Variants in SHANK2 observed in about 807,000 individuals in gnomAD.
The protein encoded by SHANK2 is SH3 and multiple ankyrin repeat domains protein 2.
SHANK2 carries 43 observed loss-of-function variants against 133.7 expected under a neutral mutation model. The ratio of observed to expected loss-of-function variants is 0.32; its 90% CI spans 0.25 to 0.41. SHANK2 has a LOEUF of 0.41. SHANK2 is among the 10% of genes least tolerant of loss of function. The probability of loss-of-function intolerance (pLI) is 1.00; values close to 1 mark genes in which losing one functional copy is unlikely to be tolerated. For synonymous variants in SHANK2, 1,017 were observed against 952.8 expected (o/e 1.07, Z -1.24); for missense variants, 1,994 against 2,235.8 (o/e 0.89, Z 2.18).
At chr11:70,559,060 C>T (rs1343803781) in intron 17 of SHANK2, among the ~76,000 whole-genome samples, 4 of 152,178 alleles carry the variant, frequency 2.6e-5, no homozygotes, top group Admixed American at 1.3e-4. Context: ...TTTCTGTCAT[C>T]CAGGCTGGAG....
At chr11:71,242,661 G>A (rs1340153420) in intron 1 of SHANK2, among the ~76,000 whole-genome samples, 1 of 152,160 alleles carries the variant, frequency 6.6e-6, no homozygotes, top group Non-Finnish European at 1.5e-5. Flanking sequence ...CCCCTGGCGA[G>A]GATGTCGACC....
chr11:70,738,289 C>T (rs564223897), intron 14 of SHANK2, among the ~76,000 whole-genome samples: 1 of 152,258 alleles, frequency 6.6e-6, no homozygotes, highest in African/African-American at 2.4e-5. Context: ...GGCAGAAAGC[C>T]GGACTCCCAT....
At chr11:70,954,881 T>C (rs900734243) in intron 10 of SHANK2, among the ~76,000 whole-genome samples, 12 of 152,244 alleles carry the variant, frequency 7.9e-5, no homozygotes, top group African/African-American at 2.7e-4. Flanking sequence ...GCCCTGTTCA[T>C]TGTCCCTTTA....
chr11:71,179,580 TCTC>T (rs753891205), intron 2 of SHANK2, among the ~76,000 whole-genome samples: 7 of 151,980 alleles, frequency 4.6e-5, no homozygotes, highest in Non-Finnish European at 8.8e-5. Context: ...CTTTCACACT[TCTC>T]CTCAGCAAGA....
intron 14 of SHANK2, among the ~76,000 whole-genome samples, chr11:70,709,069 G>A (rs1397446617): frequency 6.6e-6 from 1 of 152,200 alleles, no homozygotes; most frequent in Non-Finnish European, 1.5e-5. Flanking sequence ...AAATTAGCTG[G>A]GCATGGTGGC....
intron 9 of SHANK2, among the ~76,000 whole-genome samples, chr11:71,058,193 C>G (rs1271277352): frequency 6.6e-6 from 1 of 152,178 alleles, no homozygotes; most frequent in Non-Finnish European, 1.5e-5. Context: ...CTGCACCCAG[C>G]CTCTTATGCA....
chr11:71,084,903 T>C (rs921092495), intron 8 of SHANK2, among the ~76,000 whole-genome samples: 19 of 152,176 alleles, frequency 1.2e-4, no homozygotes, highest in Admixed American at 5.9e-4. Context: ...TATAGAATCA[T>C]AGTGCAATTA....
chr11:70,813,001 T>C (rs782342114), intron 12 of SHANK2, among the ~76,000 whole-genome samples: 13 of 152,120 alleles, frequency 8.5e-5, no homozygotes, highest in Non-Finnish European at 1.6e-4. Context: ...CTTTCTCCAT[T>C]CATTCATTCA....
intron 12 of SHANK2, among the ~76,000 whole-genome samples, chr11:70,816,141 G>T (rs976867837): frequency 3.3e-5 from 5 of 152,254 alleles, no homozygotes; most frequent in Non-Finnish European, 1.5e-5. Flanking sequence ...CTGCAGAACC[G>T]AAGACTGTCT....
intron 11 of SHANK2, among the ~76,000 whole-genome samples, chr11:70,837,799 AC>A (rs1555060434): frequency 1.3e-5 from 2 of 151,762 alleles, no homozygotes; most frequent in African/African-American, 4.8e-5. Context: ...ACATAGCGAA[AC>A]CCTGTTTCTA....
intron 3 of SHANK2, among the ~76,000 whole-genome samples, chr11:71,122,379 A>G (rs536733574): frequency 1.1e-4 from 17 of 152,334 alleles, no homozygotes; most frequent in African/African-American, 4.1e-4. Flanking sequence ...CATCATTCTG[A>G]GCAAACTATC....
Position 71,060,918 on chromosome 11 carries a change from T to G in SHANK2, c.1030-4360A>C, listed in dbSNP as rs939216921. On this transcript the variant is annotated intron_variant, in intron 9 of 25. Transcript: ENST00000601538. Reference sequence around the variant, plus strand: ...GTGGATTCCAGTTTTTACGCTGAGATTTCCATACTCTACTAATTATTGCCA... The same window carrying G: ...GTGGATTCCAGTTTTTACGCTGAGAGTTCCATACTCTACTAATTATTGCCA... 9.1e-3 allele frequency among the ~76,000 whole-genome samples: 1,387 copies of G among 152,328 alleles called. 19 individuals are homozygous for G. The highest frequency in any genetic ancestry group is 0.032 in the African/African-American group (1,323 of 41,574).
chr11:70,870,993 G>A (rs1555070073), intron 11 of SHANK2, among the ~76,000 whole-genome samples: 1 of 152,096 alleles, frequency 6.6e-6, no homozygotes, highest in Non-Finnish European at 1.5e-5. Flanking sequence ...GGCCAGGCTG[G>A]TCTCGAACTC....
chr11:70,584,850 C>A (rs1415320529), intron 17 of SHANK2, among the ~76,000 whole-genome samples: 1 of 152,228 alleles, frequency 6.6e-6, no homozygotes, highest in African/African-American at 2.4e-5. Flanking sequence ...ACAGGACCTG[C>A]CTGACAAAGG....
Position 70,473,604 on chromosome 11 carries a change from A to T in SHANK2, c.4980-165T>A. ...ATGATTTGCCATGCCAGGGTGGGGG[A>T]GGGGGAGAAAGGGGCCAGAGCAAAG... On this transcript the variant is annotated intron_variant, in intron 25 of 25. Coordinates refer to ENST00000601538, the MANE Select transcript of SHANK2 (RefSeq NM_012309.5). The surrounding 1 kb of genome is among the most constrained non-coding windows in gnomAD (Gnocchi z 5.9). 1.9e-4 allele frequency: 98 copies of T among 521,636 alleles called. No homozygotes were observed. The highest frequency in any genetic ancestry group is 2.5e-4 in the Non-Finnish European group (69 of 278,222). 32.3% of individuals were successfully genotyped at this position (521,636 alleles called of 1,614,324 possible).
chr11:70,900,130 C>T (rs549467038), intron 10 of SHANK2, among the ~76,000 whole-genome samples: 3 of 152,156 alleles, frequency 2.0e-5, no homozygotes, highest in South Asian at 2.1e-4. Flanking sequence ...CTGAGGCAGG[C>T]GGATCACTAG....
At position 70,810,847 on chromosome 11, in the gene SHANK2, C is replaced by T. The variant is rs549910019; in HGVS notation, c.1494-3676G>A. On this transcript the variant is annotated intron_variant, in intron 12 of 25. Transcript: ENST00000601538. ...CACTGTCTCTGCATTGACCATTATC[C>T]AGGCTGGACCGGCAGCAGCCAGAAC... Among the ~76,000 whole-genome samples the T allele has an allele frequency of 2.6e-4, 40 of 152,306 alleles. No individual in the cohort carries two copies. In the East Asian group the frequency reaches 7.3e-3, roughly 28 times the overall value.
chr11:71,119,066 C>G, intron 3 of SHANK2, 34 bp from the exon 4 acceptor site: 1 of 1,543,782 alleles, frequency 6.5e-7, no homozygotes, highest in Non-Finnish European at 8.8e-7. Flanking sequence ...TGATGAGTGA[C>G]AGAGGACGCT....
At chr11:71,183,072 G>A (rs1240081758) in intron 2 of SHANK2, among the ~76,000 whole-genome samples, 1 of 152,158 alleles carries the variant, frequency 6.6e-6, no homozygotes, top group Non-Finnish European at 1.5e-5. Context: ...AGCCAGGAGG[G>A]GAAATCTCAA....
Sources: allele counts gnomAD v4.1 joint callset (sites outside exome capture counted in the v4.1 genomes callset), GRCh38; gene constraint gnomAD v4.1.1; non-coding constraint Gnocchi (gnomAD v3.1); transcripts MANE v1.5; gene names NCBI Gene and HGNC (gene_info 2026-07-23, HGNC 2026-07-21).